The following ST3GAL6 variants were observed in gnomAD, a reference collection of about 807,000 sequenced individuals.
The protein encoded by ST3GAL6 is ST3 beta-galactoside alpha-2,3-sialyltransferase 6.
Under a neutral mutation model 40.5 loss-of-function variants are expected in ST3GAL6, and 31 were observed. That is an observed-to-expected ratio of 0.77 (90% CI 0.58 to 1.03). ST3GAL6 has a LOEUF of 1.03. ST3GAL6 is among the 50% of genes least tolerant of loss of function. The pLI is 0.00. For missense variants in ST3GAL6, 357 were observed against 393.2 expected (o/e 0.91, Z 0.78); for synonymous variants, 129 against 136.9 (o/e 0.94, Z 0.40).
chr3:98,744,648 G>A (rs1242385876), intron 1 of ST3GAL6, among the ~76,000 whole-genome samples: 2 of 152,020 alleles, frequency 1.3e-5, no homozygotes, highest in African/African-American at 2.4e-5. Context: ...CCTTGCCTGG[G>A]TCTCTGCTGA....
At position 98,792,540 on chromosome 3, in the gene ST3GAL6, T is replaced by C. The variant is rs533011317; in HGVS notation, c.909+547T>C. Among the ~76,000 whole-genome samples the C allele has an allele frequency of 7.8e-4, 117 of 149,714 alleles. 1 individual carries two copies. In the Middle Eastern group the frequency reaches 0.014, roughly 18 times the overall value. On this transcript the variant is annotated intron_variant, in intron 9 of 9. Transcript: ENST00000483910. ...TTTTTTTTTTTTTTGAGAGTCTCAC[T>C]CTGTCACCCAGGCTGGAGTGCACTG...
intron 1 of ST3GAL6, among the ~76,000 whole-genome samples, chr3:98,764,186 A>G (rs1938087320): frequency 6.6e-6 from 1 of 152,198 alleles, no homozygotes; most frequent in Admixed American, 6.5e-5. Context: ...AAAAACCACA[A>G]TTACTTTTGC....
chr3:98,762,089 AGC>A (rs368124765), upstream of ST3GAL6, among the ~76,000 whole-genome samples: 68,045 of 152,034 alleles, frequency 0.45, 15,499 homozygotes, highest in Middle Eastern at 0.56. Context: ...GGACAGTGAA[AGC>A]ACTGGTGAAA....
chr3:98,767,043 A>G (rs190945324), intron 1 of ST3GAL6, among the ~76,000 whole-genome samples: 155 of 152,322 alleles, frequency 1.0e-3, no homozygotes, highest in Admixed American at 5.2e-3. Context: ...TAACTTGCTT[A>G]TTTATTTGCT....
At chr3:98,735,324 G>A (rs913453528) in intron 1 of ST3GAL6, among the ~76,000 whole-genome samples, 4 of 152,078 alleles carry the variant, frequency 2.6e-5, no homozygotes, top group Non-Finnish European at 5.9e-5. Flanking sequence ...TTTCTCCTTT[G>A]CCTGGCATAT....
At chr3:98,745,834 A>G (rs538842612) in intron 1 of ST3GAL6, among the ~76,000 whole-genome samples, 14 of 152,238 alleles carry the variant, frequency 9.2e-5, no homozygotes, top group African/African-American at 3.4e-4. Context: ...AAAATATAAA[A>G]CAGTACACTT....
chr3:98,771,245 A>G lies in ST3GAL6; in HGVS notation c.167+289A>G. On this transcript the variant is annotated intron_variant, in intron 3 of 9. Transcript: ENST00000483910. ...ATTATAAAAAAGCGAATTGTTCTTT[A>G]GGGTTTTATTTTTCCCCCTTGTTGC... 13 of 1,040,826 alleles carry G rather than the reference A, an allele frequency of 1.2e-5. No individual in the cohort carries two copies. In the South Asian group the frequency reaches 1.8e-4, roughly 14 times the overall value. The allele number at this position is 1,040,826 out of a possible 1,614,324, so 64.5% of individuals were successfully genotyped here.
chr3:98,733,204 A>C, intron 1 of ST3GAL6: 1 of 936,174 alleles, frequency 1.1e-6, no homozygotes, highest in Non-Finnish European at 1.3e-6. Context: ...TAAAGGGACC[A>C]TGGGCGCTGG....
intron 1 of ST3GAL6, among the ~76,000 whole-genome samples, chr3:98,756,700 T>G (rs1576060439): frequency 6.6e-6 from 1 of 152,164 alleles, no homozygotes; most frequent in Non-Finnish European, 1.5e-5. Flanking sequence ...TTTTGCAGCC[T>G]GGGGGCCTAT....
intron 5 of ST3GAL6, among the ~76,000 whole-genome samples, chr3:98,780,275 A>G (rs1259114167): frequency 2.6e-5 from 4 of 152,208 alleles, no homozygotes; most frequent in Admixed American, 1.3e-4. Flanking sequence ...ATAAAGTGTT[A>G]TTGCCAAAGA....
chr3:98,786,869 C>T (rs1380855873), intron 6 of ST3GAL6, among the ~76,000 whole-genome samples: 1 of 151,748 alleles, frequency 6.6e-6, no homozygotes, highest in African/African-American at 2.4e-5. Flanking sequence ...TACCAAGAGT[C>T]CCTCTGATGT....
At chr3:98,772,090 A>ATATCC (rs1462641224) in intron 3 of ST3GAL6, among the ~76,000 whole-genome samples, 1 of 152,160 alleles carries the variant, frequency 6.6e-6, no homozygotes, top group African/African-American at 2.4e-5. Context: ...GTGAAAAAAG[A>ATATCC]TATCCTTTCC....
chr3:98,760,005 T>A (rs1048743485), upstream of ST3GAL6, among the ~76,000 whole-genome samples: 2 of 152,116 alleles, frequency 1.3e-5, no homozygotes, highest in Non-Finnish European at 2.9e-5. Context: ...CCCACAAACA[T>A]TCCCTAGAGT....
At chr3:98,783,167 G>A (rs920168956) in intron 5 of ST3GAL6, 5 of 181,826 alleles carry the variant, frequency 2.7e-5, no homozygotes, top group Admixed American at 6.2e-5. Flanking sequence ...TTGAGGGTAC[G>A]ATGTGGTCAT....
chr3:98,754,287 G>A (rs1180957910), intron 1 of ST3GAL6, among the ~76,000 whole-genome samples: 1 of 152,240 alleles, frequency 6.6e-6, no homozygotes, highest in African/African-American at 2.4e-5. Flanking sequence ...TCTCAGGGAT[G>A]ACTTTGAGGG....
At chr3:98,792,541 C>G (rs1941295486) in intron 9 of ST3GAL6, among the ~76,000 whole-genome samples, 1 of 143,754 alleles carries the variant, frequency 7.0e-6, no homozygotes, top group African/African-American at 2.6e-5. Context: ...GAGTCTCACT[C>G]TGTCACCCAG....
chr3:98,733,987 G>A (rs890676900), intron 1 of ST3GAL6, among the ~76,000 whole-genome samples: 3 of 152,202 alleles, frequency 2.0e-5, no homozygotes, highest in Non-Finnish European at 4.4e-5. Context: ...GCTGGGTGCT[G>A]TGAGTAGGTG....
intron 1 of ST3GAL6, among the ~76,000 whole-genome samples, chr3:98,751,737 G>A (rs1937021293): frequency 6.6e-6 from 1 of 152,098 alleles, no homozygotes; most frequent in South Asian, 2.1e-4. Flanking sequence ...TGGTTTTGAT[G>A]TACCTTACTT....
upstream of ST3GAL6, among the ~76,000 whole-genome samples, chr3:98,760,135 G>A (rs1937622838): frequency 6.6e-6 from 1 of 152,190 alleles, no homozygotes; most frequent in African/African-American, 2.4e-5. Context: ...CTTAAAAGAT[G>A]TAGCATAAAA....
Sources: allele counts gnomAD v4.1 joint callset (sites outside exome capture counted in the v4.1 genomes callset), GRCh38; gene constraint gnomAD v4.1.1; transcripts MANE v1.5; gene names NCBI Gene and HGNC (gene_info 2026-07-23, HGNC 2026-07-21).